The following LNPK variants were observed in gnomAD, a reference collection of about 807,000 sequenced individuals.
LNPK encodes endoplasmic reticulum junction formation protein lunapark.
In LNPK, 29 loss-of-function variants were observed where a neutral mutation model predicts 55.2. That is an observed-to-expected ratio of 0.53 (90% CI 0.39 to 0.72). The LOEUF is 0.72. Ranked by LOEUF, LNPK falls within the 30% of genes least tolerant of loss-of-function variation. LNPK has a pLI of 0.00. For synonymous variants in LNPK, 162 were observed against 168.2 expected, an observed-to-expected ratio of 0.96 and a Z score of 0.29; for missense variants, 467 against 494.8, an observed-to-expected ratio of 0.94 and a Z score of 0.53.
chr2:175,992,917 T>C (rs1233005914), intron 3 of LNPK, among the ~76,000 whole-genome samples: 1 of 152,180 alleles, frequency 6.6e-6, no homozygotes, highest in Admixed American at 6.5e-5. Flanking sequence ...CAGTATCTCA[T>C]CTATTTTGTC....
chr2:175,940,661 A>G (rs981223317), intron 9 of LNPK, among the ~76,000 whole-genome samples: 8 of 152,214 alleles, frequency 5.3e-5, no homozygotes, highest in Non-Finnish European at 1.2e-4. Context: ...GCAGGAAAAT[A>G]TCACTGATAA....
At position 175,963,290 on chromosome 2, in the gene LNPK, G is replaced by T. The variant is rs540917131; in HGVS notation, c.493+1082C>A. 5.9e-5 allele frequency among the ~76,000 whole-genome samples: 9 copies of T among 152,286 alleles called. No homozygotes were observed. The South Asian group carries it at 1.9e-3, about 32-fold the overall frequency. ...TTGCGGCATTATTCACAATAGCAAA[G>T]ACTTGGAACCAACCCAAATGCCCAA... On this transcript the variant is annotated intron_variant, in intron 8 of 12. Coordinates refer to ENST00000272748, the MANE Select transcript of LNPK (RefSeq NM_030650.3).
At position 175,929,574 on chromosome 2, in the gene LNPK, G is replaced by A; in HGVS notation, c.*393C>T. ...ATGAAGTAGTCAAAATCTTAACCAA[G>A]TTTCATTCCTTAAAACAAACACAAT... is the stretch of plus-strand genomic sequence containing the variant. On this transcript the variant is annotated 3_prime_UTR_variant, in exon 13 of 13. Transcript: ENST00000272748. The A allele has an allele frequency of 1.0e-6, 1 of 996,720 alleles. No individual in the cohort carries two copies. The allele number at this position is 996,720 out of a possible 1,614,324, so 61.7% of individuals were successfully genotyped here.
chr2:175,964,651 G>T, intron 6 of LNPK, 62 bp from the exon 7 acceptor site: 1 of 879,730 alleles, frequency 1.1e-6, no homozygotes, highest in Non-Finnish European at 1.9e-6. Context: ...ATTTGTATAA[G>T]TCCTATTCAA....
chr2:175,957,373 C>T (rs1356075531), intron 8 of LNPK, among the ~76,000 whole-genome samples: 1 of 151,630 alleles, frequency 6.6e-6, no homozygotes, highest in African/African-American at 2.4e-5. Context: ...AAGAAAACAT[C>T]TCAAAAAAAG....
rs1322819699 is a variant in LNPK at position 175,937,496 on chromosome 2, C to CA, written c.901dup (p.Cys301LeufsTer19). 6.2e-7 allele frequency: 1 copy of CA among 1,610,276 alleles called. No homozygotes were observed. The highest frequency in any genetic ancestry group is 1.3e-5 in the African/African-American group (1 of 74,660). The stretch of plus-strand genomic sequence containing the variant: ...TTTTCTTGCAGGGTTCAAGAAAAAA[C>CA]AGTAGGCACATCGAAAAGCTGCAGA... On this transcript the variant is annotated frameshift_variant, in exon 12 of 13. Transcript: ENST00000272748. LOFTEE classifies it high-confidence loss of function.
chr2:175,979,133 CA>C (rs1322814867), intron 5 of LNPK, among the ~76,000 whole-genome samples: 1 of 151,796 alleles, frequency 6.6e-6, no homozygotes, highest in Non-Finnish European at 1.5e-5. Context: ...TGGAGAGATA[CA>C]TTTGGGATAT....
chr2:175,947,585 T>C lies in LNPK; in HGVS notation c.601A>G (p.Ser201Gly), dbSNP rs1384982391. The change falls in exon 9 of 13, where the codon AGT becomes GGT. Residue 201 changes from serine to glycine, a missense_variant. Coordinates refer to ENST00000272748, the MANE Select transcript of LNPK (RefSeq NM_030650.3). ...TCTGGGGGTCCACCAGGGGCAGAAC[T>C]GTCCTTTGGTGGTCCAGGAGATACT... Reference protein sequence around the residue: ...VPVSPGPPKDSSAPGGPPERT... With the variant: ...VPVSPGPPKDGSAPGGPPERT... The C allele has an allele frequency of 6.8e-6, 11 of 1,613,842 alleles. No individual in the cohort carries two copies. Among genetic ancestry groups the C allele is most frequent in the Non-Finnish European group, 9.3e-6 (11 of 1,179,876 alleles).
intron 2 of LNPK, 41 bp downstream of exon 2, chr2:175,995,517 A>G (rs1687889322): frequency 1.3e-6 from 2 of 1,522,794 alleles, no homozygotes; most frequent in South Asian, 1.2e-5. Flanking sequence ...TGACACTTTT[A>G]TATTAGACTC....
At chr2:175,934,613 T>C (rs1436333309) in intron 12 of LNPK, among the ~76,000 whole-genome samples, 1 of 152,090 alleles carries the variant, frequency 6.6e-6, no homozygotes, top group East Asian at 1.9e-4. Context: ...CCTAGTACTC[T>C]AATGATTATC....
chr2:175,939,065 C>T (rs935186332), intron 10 of LNPK, among the ~76,000 whole-genome samples: 1 of 151,852 alleles, frequency 6.6e-6, no homozygotes, highest in African/African-American at 2.4e-5. Flanking sequence ...ATCTATTATC[C>T]GATGAATTTT....
At chr2:175,979,339 G>A (rs1687060613) in intron 5 of LNPK, among the ~76,000 whole-genome samples, 1 of 151,974 alleles carries the variant, frequency 6.6e-6, no homozygotes, top group Non-Finnish European at 1.5e-5. Flanking sequence ...CAGGCGGATT[G>A]CCTGAGCTCA....
intron 4 of LNPK, among the ~76,000 whole-genome samples, chr2:175,981,644 A>G (rs904911891): frequency 3.3e-5 from 5 of 152,242 alleles, no homozygotes; most frequent in African/African-American, 7.2e-5. Context: ...CAGAATGAAG[A>G]AAGTCAGGGG....
At chr2:175,993,515 TAGAA>T (rs565821409) in intron 2 of LNPK, among the ~76,000 whole-genome samples, 3 of 152,184 alleles carry the variant, frequency 2.0e-5, no homozygotes, top group Non-Finnish European at 4.4e-5. Flanking sequence ...CACACCGTTC[TAGAA>T]AGAAACAAAT....
At position 175,939,551 on chromosome 2, in the gene LNPK, C is replaced by T; in HGVS notation, c.812+1G>A. On this transcript the variant is annotated splice_donor_variant, in intron 10 of 12. Coordinates refer to ENST00000272748, the MANE Select transcript of LNPK (RefSeq NM_030650.3). LOFTEE classifies it high-confidence loss of function. ...TTATCTACCACCTTAGTAAATATTA[C>T]CTGTTTTGTGGACCATCACCAACCA... is the stretch of plus-strand genomic sequence containing the variant. 1 of 1,482,678 alleles carries T rather than the reference C, an allele frequency of 6.7e-7. No homozygotes were observed. Among genetic ancestry groups the T allele is most frequent in the South Asian group, 1.1e-5 (1 of 87,288 alleles). 91.8% of individuals were successfully genotyped at this position (1,482,678 alleles called of 1,614,324 possible). A position where few individuals can be genotyped will look rare whatever the true frequency, so the allele number is the denominator to read the frequency against.
intron 1 of LNPK, among the ~76,000 whole-genome samples, chr2:175,997,212 T>C (rs1449386432): frequency 1.3e-5 from 2 of 152,222 alleles, no homozygotes; most frequent in African/African-American, 4.8e-5. Flanking sequence ...TGAAAAACTC[T>C]AAGGTTTATA....
At chr2:175,958,847 C>T (rs1685841141) in intron 8 of LNPK, among the ~76,000 whole-genome samples, 1 of 152,110 alleles carries the variant, frequency 6.6e-6, no homozygotes, top group Non-Finnish European at 1.5e-5. Flanking sequence ...AAATGGCTAA[C>T]TAGAATAAAC....
intron 12 of LNPK, among the ~76,000 whole-genome samples, chr2:175,937,099 G>C (rs953231934): frequency 6.6e-6 from 1 of 152,050 alleles, no homozygotes; most frequent in African/African-American, 2.4e-5. Context: ...TTTTAGAAAA[G>C]GTCACTCCAT....
chr2:175,992,163 T>C (rs961230041), intron 4 of LNPK, 68 bp downstream of exon 4: 25 of 949,446 alleles, frequency 2.6e-5, no homozygotes, highest in Non-Finnish European at 3.7e-5. Context: ...CGAATATACA[T>C]ATTAGATATA....
Sources: gnomAD v4.1 joint callset for allele counts (sites outside exome capture counted in the v4.1 genomes callset) on GRCh38, gnomAD v4.1.1 for gene constraint, MANE v1.5 for transcripts, NCBI Gene and HGNC (gene_info 2026-07-23, HGNC 2026-07-21) for gene names.